The following CNTN4 variants were observed in gnomAD, a reference collection of about 807,000 sequenced individuals.
CNTN4 encodes contactin-4.
Under a neutral mutation model 122.5 loss-of-function variants are expected in CNTN4, and 77 were observed. That is an observed-to-expected ratio of 0.63 (90% CI 0.52 to 0.76). The LOEUF is 0.76. Ranked by LOEUF, CNTN4 falls within the 30% of genes least tolerant of loss-of-function variation. CNTN4 has a pLI of 0.00. For missense variants in CNTN4, 1,256 were observed against 1,259.1 expected (o/e 1.00, Z 0.04); for synonymous variants, 512 against 447.0 (o/e 1.15, Z -1.83).
intron 6 of CNTN4, among the ~76,000 whole-genome samples, chr3:2,761,902 G>A (rs919723627): frequency 5.3e-5 from 8 of 152,078 alleles, no homozygotes; most frequent in Non-Finnish European, 1.2e-4. Flanking sequence ...GTACCTTTGG[G>A]CAAATGTGCT....
chr3:2,785,660 G>A (rs2091782724), intron 6 of CNTN4, among the ~76,000 whole-genome samples: 2 of 152,194 alleles, frequency 1.3e-5, no homozygotes, highest in Admixed American at 6.5e-5. Flanking sequence ...ACTCGACAAT[G>A]AGTGGTCAGG....
chr3:2,121,076 CTCCCTCCCTTCCT>C (rs978289061), intron 2 of CNTN4, among the ~76,000 whole-genome samples: 10 of 143,170 alleles, frequency 7.0e-5, no homozygotes, highest in Non-Finnish European at 1.3e-4. Context: ...GACTTCCTTC[CTCCCTCCCTTCCT>C]TCCCTCCCTT....
chr3:2,821,750 C>T (rs1222946624), intron 7 of CNTN4, among the ~76,000 whole-genome samples: 1 of 152,156 alleles, frequency 6.6e-6, no homozygotes, highest in African/African-American at 2.4e-5. Context: ...TAGGATTCCA[C>T]TAAGGTCTGT....
intron 14 of CNTN4, among the ~76,000 whole-genome samples, chr3:3,011,751 A>C (rs1697254717): frequency 6.6e-6 from 1 of 151,990 alleles, no homozygotes; most frequent in Non-Finnish European, 1.5e-5. Flanking sequence ...ATTTCTTTGG[A>C]GATTCATGTG....
chr3:2,709,052 A>G lies in CNTN4; in HGVS notation c.56-27163A>G, dbSNP rs1211689422. On this transcript the variant is annotated intron_variant, in intron 4 of 24. Transcript: ENST00000418658. This position sits in a 1 kb window ranked among gnomAD's most constrained non-coding sequence, Gnocchi z 5.0. Reference sequence around the variant, plus strand: ...TGATATATCTCTTCTCAGATATCTCATAGACCATCCCCCCTCTGCTGCCAC... The same window carrying G: ...TGATATATCTCTTCTCAGATATCTCGTAGACCATCCCCCCTCTGCTGCCAC... 6.6e-6 allele frequency among the ~76,000 whole-genome samples: 1 copy of G among 152,096 alleles called. No homozygotes were observed. Among genetic ancestry groups the G allele is most frequent in the African/African-American group, 2.4e-5 (1 of 41,414 alleles).
chr3:2,530,787 C>T (rs2077570377), intron 3 of CNTN4, among the ~76,000 whole-genome samples: 2 of 152,088 alleles, frequency 1.3e-5, no homozygotes, highest in Admixed American at 1.3e-4. Flanking sequence ...AGTGTAACTC[C>T]CGTGATCTAA....
At chr3:2,390,477 A>C (rs2046404359) in intron 3 of CNTN4, among the ~76,000 whole-genome samples, 1 of 152,148 alleles carries the variant, frequency 6.6e-6, no homozygotes, top group Non-Finnish European at 1.5e-5. Context: ...GTGTACATTC[A>C]ATGTGCTTAC....
intron 3 of CNTN4, among the ~76,000 whole-genome samples, chr3:2,353,926 CAAAA>C (rs144514411): frequency 5.8e-4 from 88 of 151,570 alleles, no homozygotes; most frequent in African/African-American, 1.9e-3. Flanking sequence ...AACAAACAAA[CAAAA>C]AAAACATAAA....
chr3:2,730,535 G>T (rs1304869307), intron 4 of CNTN4, among the ~76,000 whole-genome samples: 1 of 152,060 alleles, frequency 6.6e-6, no homozygotes, highest in Non-Finnish European at 1.5e-5. Flanking sequence ...GCCTGACTTG[G>T]TCCAGCTCCT....
At chr3:2,781,914 G>C (rs112819298) in intron 6 of CNTN4, among the ~76,000 whole-genome samples, 6 of 126,228 alleles carry the variant, frequency 4.8e-5, no homozygotes, top group South Asian at 5.2e-4. Flanking sequence ...TAGTAGAGAC[G>C]GGGCTTCACC....
chr3:2,918,439 G>A (rs997950542), intron 12 of CNTN4, among the ~76,000 whole-genome samples: 1 of 152,192 alleles, frequency 6.6e-6, no homozygotes, highest in Non-Finnish European at 1.5e-5. Flanking sequence ...AACTTCCAGG[G>A]TGCACTTGCC....
intron 2 of CNTN4, among the ~76,000 whole-genome samples, chr3:2,158,705 G>A (rs1468255751): frequency 3.3e-5 from 5 of 152,166 alleles, no homozygotes; most frequent in Non-Finnish European, 7.3e-5. Context: ...CATAGAAAAA[G>A]TCCAGAAAAC....
At chr3:2,351,071 T>A (rs2044593806) in intron 3 of CNTN4, among the ~76,000 whole-genome samples, 1 of 152,136 alleles carries the variant, frequency 6.6e-6, no homozygotes, top group South Asian at 2.1e-4. Flanking sequence ...CTATATTGAG[T>A]TTGCTTCAAC....
At chr3:2,283,086 T>C (rs987991124) in intron 2 of CNTN4, among the ~76,000 whole-genome samples, 2 of 152,076 alleles carry the variant, frequency 1.3e-5, no homozygotes, top group East Asian at 3.9e-4. Context: ...TTTTGTGAAA[T>C]ATACTAAAAA....
At chr3:2,412,996 T>G (rs981454030) in intron 3 of CNTN4, among the ~76,000 whole-genome samples, 1 of 151,938 alleles carries the variant, frequency 6.6e-6, no homozygotes, top group African/African-American at 2.4e-5. Context: ...TGTTAACTGT[T>G]ATTGTTCCAA....
At chr3:3,051,358 T>A (rs1488086818) in intron 23 of CNTN4, among the ~76,000 whole-genome samples, 1 of 152,192 alleles carries the variant, frequency 6.6e-6, no homozygotes, top group Non-Finnish European at 1.5e-5. Flanking sequence ...AGGACTTTAT[T>A]TGGGTTCTGC....
intron 3 of CNTN4, among the ~76,000 whole-genome samples, chr3:2,528,219 A>G (rs1461002467): frequency 6.6e-6 from 1 of 152,150 alleles, no homozygotes; most frequent in African/African-American, 2.4e-5. Context: ...TCCTTTCCCC[A>G]TGGATGTTGT....
chr3:2,671,638 G>A (rs1477944073), intron 4 of CNTN4, among the ~76,000 whole-genome samples: 6 of 152,206 alleles, frequency 3.9e-5, no homozygotes, highest in Admixed American at 3.9e-4. Flanking sequence ...GTGAGGAGCT[G>A]CGTTCCTTTG....
At chr3:2,712,098 C>CT (rs1341772069) in intron 4 of CNTN4, among the ~76,000 whole-genome samples, 1 of 152,046 alleles carries the variant, frequency 6.6e-6, no homozygotes, top group Non-Finnish European at 1.5e-5. Context: ...AAAATGCAGT[C>CT]TATGGAGGCT....
Sources: gnomAD v4.1 joint callset for allele counts (sites outside exome capture counted in the v4.1 genomes callset) on GRCh38, gnomAD v4.1.1 for gene constraint, Gnocchi (gnomAD v3.1) non-coding constraint, MANE v1.5 for transcripts, NCBI Gene and HGNC (gene_info 2026-07-23, HGNC 2026-07-21) for gene names.